Variants in UBP1 observed in about 807,000 individuals in gnomAD.
The protein encoded by UBP1 is upstream binding protein 1.
In UBP1, 22 loss-of-function variants were observed where a neutral mutation model predicts 76.1. The observed-to-expected ratio is 0.29, with a 90% CI of 0.21 to 0.41. The LOEUF is 0.41. UBP1 is among the 10% of genes least tolerant of loss of function. UBP1 has a pLI of 1.00. For synonymous variants in UBP1, 224 were observed against 237.1 expected (o/e 0.94, Z 0.51); for missense variants, 436 against 668.1 (o/e 0.65, Z 3.83).
intron 11 of UBP1, among the ~76,000 whole-genome samples, chr3:33,399,354 G>A (rs150280844): frequency 1.8e-3 from 271 of 152,230 alleles, no homozygotes; most frequent in Middle Eastern, 6.8e-3. Flanking sequence ...GAGAAGCAGT[G>A]CTTGATACCT....
upstream of UBP1, chr3:33,440,669 A>G (rs2045285441): frequency 1.3e-5 from 2 of 152,334 alleles, no homozygotes; most frequent in South Asian, 4.1e-4. Context: ...AGGCCAACTG[A>G]GCAATACCTG....
At chr3:33,432,380 A>G (rs2045129672) in intron 1 of UBP1, among the ~76,000 whole-genome samples, 1 of 152,172 alleles carries the variant, frequency 6.6e-6, no homozygotes, top group Non-Finnish European at 1.5e-5. Flanking sequence ...TTTGGTTAAA[A>G]CACAATGGTT....
At chr3:33,420,661 G>GT (rs1163961982) in intron 2 of UBP1, among the ~76,000 whole-genome samples, 1 of 152,106 alleles carries the variant, frequency 6.6e-6, no homozygotes, top group Non-Finnish European at 1.5e-5. Context: ...GCTAATTTTT[G>GT]TATTTTTAGT....
Position 33,392,370 on chromosome 3 carries a change from C to A in UBP1, c.1585+193G>T, listed in dbSNP as rs534611181. On this transcript the variant is annotated intron_variant, in intron 15 of 15. Coordinates refer to ENST00000283629, the MANE Select transcript of UBP1 (RefSeq NM_014517.5). ...AATTGAGATTTTTTTTTCCAGTCAT[C>A]TAGAAAGACTGACTCCTCTTCCTTA... 3.5e-5 allele frequency: 18 copies of A among 513,092 alleles called. No homozygotes were observed. The South Asian group carries it at 5.6e-4, about 16-fold the overall frequency. The allele number at this position is 513,092 out of a possible 1,614,324, so 31.8% of individuals were successfully genotyped here.
At chr3:33,396,802 A>G (rs757281149) in intron 12 of UBP1, 1 of 656,094 alleles carries the variant, frequency 1.5e-6, no homozygotes, top group Non-Finnish European at 2.8e-6. Flanking sequence ...AGAAATCAGT[A>G]CTGCCCATGT....
intron 8 of UBP1, among the ~76,000 whole-genome samples, chr3:33,407,163 G>A (rs965390914): frequency 6.6e-6 from 1 of 152,128 alleles, no homozygotes; most frequent in African/African-American, 2.4e-5. Context: ...AAAAGCATCT[G>A]AACAAAATCA....
chr3:33,395,606 G>A (rs556721541), intron 13 of UBP1, among the ~76,000 whole-genome samples: 14 of 151,818 alleles, frequency 9.2e-5, no homozygotes, highest in East Asian at 1.9e-4. Flanking sequence ...ATAAAAACAC[G>A]GCACCAGACG....
intron 3 of UBP1, among the ~76,000 whole-genome samples, chr3:33,415,639 A>G (rs2044709594): frequency 6.6e-6 from 1 of 152,138 alleles, no homozygotes; most frequent in African/African-American, 2.4e-5. Flanking sequence ...TTGTTCTAAC[A>G]TTTTTGGATC....
intron 1 of UBP1, among the ~76,000 whole-genome samples, chr3:33,434,682 CTTTT>C (rs10709462): frequency 6.4e-4 from 56 of 87,714 alleles, no homozygotes; most frequent in African/African-American, 2.3e-3. Flanking sequence ...AATGGTTTTA[CTTTT>C]TTTTTTTTTT....
In UBP1 at chr3:33,409,290, T is replaced by C. The variant is rs758545564; in HGVS notation, c.765A>G (p.Thr255=). ...KTDREKMEKR[T]AHEKEKYQPS... is the part of the protein sequence containing the mutation. ...GCTGATACTTTTCTTTTTCATGAGC[T>C]GTTCTCTTCTCCATCTTCTCTCGGT... The change falls in exon 7 of 16, where the codon ACA becomes ACG. Residue 255 remains threonine, a synonymous_variant. Transcript: ENST00000283629. 6.2e-7 allele frequency: 1 copy of C among 1,614,222 alleles called. No individual in the cohort carries two copies.
At chr3:33,401,158 A>G (rs2044214184) in intron 9 of UBP1, 142 bp from the exon 10 acceptor site, 3 of 676,230 alleles carry the variant, frequency 4.4e-6, no homozygotes, top group Non-Finnish European at 7.0e-6. Context: ...GTCTGCAACA[A>G]AATGCAAGCG....
rs1358844297 is a variant in UBP1 at position 33,397,089 on chromosome 3, A to G, written c.1227T>C (p.Cys409=). The change falls in exon 12 of 16, where the codon TGT becomes TGC. Residue 409 remains cysteine (C), a synonymous_variant. Transcript: ENST00000283629. ...AGAGCCGAATTCCATCGGCTGCACC[A>G]CAAATTTGAACTAAATCCTCCTTTG... ...KLTKEDLVQI[C]GAADGIRLYN... 1.9e-6 allele frequency: 3 copies of G among 1,603,162 alleles called. No homozygotes were observed. The highest frequency in any genetic ancestry group is 2.6e-6 in the Non-Finnish European group (3 of 1,176,362).
intron 15 of UBP1, chr3:33,392,338 CTGAA>C: frequency 4.4e-6 from 2 of 453,780 alleles, no homozygotes. Context: ...AAGACGTTGG[CTGAA>C]TGAATTGAGA....
chr3:33,439,717 C>G lies in UBP1; in HGVS notation c.113+19G>C, dbSNP rs777362738. ...CCCCAAGGAGACAGAGGCTTCTCCC[C>G]GCCCAGGGAGCCCAGTACCTCATGC... On this transcript the variant is annotated intron_variant, in intron 1 of 15. Transcript: ENST00000283629. 2.5e-6 allele frequency: 4 copies of G among 1,609,222 alleles called. No homozygotes were observed. Among genetic ancestry groups the G allele is most frequent in the Middle Eastern group, 3.3e-4 (2 of 6,072 alleles).
chr3:33,435,502 T>C (rs563758831), intron 1 of UBP1, among the ~76,000 whole-genome samples: 92 of 152,288 alleles, frequency 6.0e-4, no homozygotes, highest in African/African-American at 1.9e-3. Context: ...TAGCCAGGCA[T>C]GGTGGCACTG....
intron 1 of UBP1, among the ~76,000 whole-genome samples, chr3:33,433,257 CACCAGGCTG>C (rs2045144315): frequency 6.8e-6 from 1 of 147,466 alleles, no homozygotes; most frequent in Non-Finnish European, 1.5e-5. Context: ...GACGGGGTTT[CACCAGGCTG>C]GCCAGGCTGG....
chr3:33,406,939 T>C (rs978556887), intron 8 of UBP1, among the ~76,000 whole-genome samples: 2 of 152,218 alleles, frequency 1.3e-5, no homozygotes, highest in African/African-American at 4.8e-5. Context: ...TGTGGCACCA[T>C]TTCATTCGGC....
chr3:33,433,927 A>AAATAAT (rs1025440053), intron 1 of UBP1, among the ~76,000 whole-genome samples: 5 of 152,160 alleles, frequency 3.3e-5, no homozygotes, highest in African/African-American at 1.2e-4. Flanking sequence ...CTGTCTCTAA[A>AAATAAT]AATAATAATA....
intron 1 of UBP1, among the ~76,000 whole-genome samples, chr3:33,438,581 T>C (rs1207797490): frequency 6.6e-6 from 1 of 152,136 alleles, no homozygotes; most frequent in African/African-American, 2.4e-5. Flanking sequence ...AGGTGCCAAG[T>C]TCAGGAAGCC....
Sources: allele counts gnomAD v4.1 joint callset (sites outside exome capture counted in the v4.1 genomes callset), GRCh38; gene constraint gnomAD v4.1.1; transcripts MANE v1.5; gene names NCBI Gene and HGNC (gene_info 2026-07-23, HGNC 2026-07-21).